ADAMTS12: variants seen among roughly 807,000 people sequenced by gnomAD.
The protein encoded by ADAMTS12 is ADAM metallopeptidase with thrombospondin type 1 motif 12, also known as A disintegrin and metalloproteinase with thrombospondin motifs 12.
In ADAMTS12, 118 loss-of-function variants were observed where a neutral mutation model predicts 167.8. The observed-to-expected ratio is 0.70, with a 90% CI of 0.61 to 0.82. ADAMTS12 has a LOEUF of 0.82. ADAMTS12 is among the 40% of genes least tolerant of loss of function. The pLI, the probability that ADAMTS12 is intolerant of heterozygous loss-of-function variation, is 0.00. For missense variants in ADAMTS12, 1,916 were observed against 1,998.8 expected (o/e 0.96, Z 0.79); for synonymous variants, 704 against 716.9 (o/e 0.98, Z 0.29).
intron 2 of ADAMTS12, among the ~76,000 whole-genome samples, chr5:33,782,715 GAT>G (rs1746178960): frequency 6.6e-6 from 1 of 151,728 alleles, no homozygotes; most frequent in African/African-American, 2.4e-5. Flanking sequence ...ATAATAAAGA[GAT>G]AAATATATCG....
chr5:33,711,764 T>A lies in ADAMTS12; in HGVS notation c.635-27709A>T, dbSNP rs1317561381. On this transcript the variant is annotated intron_variant, in intron 3 of 23. Transcript: ENST00000504830. ...TTGTCTTTCAAACTCAAAGATACAA[T>A]TACTACTTAAACACAGGGAATATAA... Among the ~76,000 whole-genome samples the A allele has an allele frequency of 2.6e-5, 4 of 152,130 alleles. No homozygotes were observed. The East Asian group carries it at 7.7e-4, about 29-fold the overall frequency.
At chr5:33,555,612 TTG>T (rs1745455512) in intron 20 of ADAMTS12, among the ~76,000 whole-genome samples, 1 of 152,188 alleles carries the variant, frequency 6.6e-6, no homozygotes, top group Non-Finnish European at 1.5e-5. Flanking sequence ...TACGTATTAA[TTG>T]TGTAGTGTTT....
Position 33,630,927 on chromosome 5 carries a change from A to C in ADAMTS12, c.1889-14T>G. The C allele has an allele frequency of 6.2e-7, 1 of 1,610,670 alleles. No homozygotes were observed. The highest frequency in any genetic ancestry group is 8.5e-7 in the Non-Finnish European group (1 of 1,177,426). The stretch of plus-strand genomic sequence containing the variant: ...CACAAGGATGTGCTGAAGGGAAAAA[A>C]GAAGGCAAAGCCTTGCAAATTAGCT... On this transcript the variant is annotated splice_polypyrimidine_tract_variant and intron_variant, in intron 12 of 23. Transcript: ENST00000504830.
At position 33,616,187 on chromosome 5, in the gene ADAMTS12, G is replaced by C; in HGVS notation, c.2144-115C>G. 3 of 1,410,176 alleles carry C rather than the reference G, an allele frequency of 2.1e-6. 1 individual carries two copies. The highest frequency in any genetic ancestry group is 2.8e-6 in the Non-Finnish European group (3 of 1,059,042). The allele number at this position is 1,410,176 out of a possible 1,614,324, so 87.4% of individuals were successfully genotyped here. ...AGCCTCCCCATCATTTAGTGACCTT[G>C]CTGGGTGGCCACTGGAATTGGCAGA... On this transcript the variant is annotated intron_variant, in intron 14 of 23. Transcript: ENST00000504830.
At chr5:33,614,724 C>T (rs1044422663) in intron 15 of ADAMTS12, among the ~76,000 whole-genome samples, 4 of 152,004 alleles carry the variant, frequency 2.6e-5, no homozygotes, top group Non-Finnish European at 5.9e-5. Context: ...AACAATAGGC[C>T]GATAGGTTAC....
At chr5:33,568,280 A>G (rs1179711858) in intron 19 of ADAMTS12, among the ~76,000 whole-genome samples, 3 of 152,218 alleles carry the variant, frequency 2.0e-5, no homozygotes, top group Admixed American at 2.0e-4. Flanking sequence ...AAATGTGATA[A>G]CTCATTTTAG....
In ADAMTS12 at chr5:33,595,413, G is replaced by C. The variant is rs562482605; in HGVS notation, c.2654+521C>G. ...CTAGCATCTAAGTAAACACAGGCCA[G>C]CAATGCTGCTAAGCCTCCTGCAATT... On this transcript the variant is annotated intron_variant, in intron 17 of 23. Coordinates refer to ENST00000504830, the MANE Select transcript of ADAMTS12 (RefSeq NM_030955.4). 4.9e-4 allele frequency among the ~76,000 whole-genome samples: 75 copies of C among 152,298 alleles called. 1 individual carries two copies. Among genetic ancestry groups the C allele is most frequent in the Non-Finnish European group, 2.9e-5 (2 of 68,028 alleles).
intron 17 of ADAMTS12, among the ~76,000 whole-genome samples, chr5:33,590,566 C>A (rs547398845): frequency 6.6e-6 from 1 of 152,286 alleles, no homozygotes; most frequent in African/African-American, 2.4e-5. Context: ...GCAAGAAGAC[C>A]CCCGCCAGAT....
intron 22 of ADAMTS12, 31 bp from the exon 23 acceptor site, chr5:33,535,023 G>T: frequency 6.4e-7 from 1 of 1,566,886 alleles, no homozygotes. Context: ...AGAGTCAGAA[G>T]TCCTCCCCAC....
At chr5:33,780,195 G>A (rs1746075098) in intron 2 of ADAMTS12, among the ~76,000 whole-genome samples, 1 of 152,150 alleles carries the variant, frequency 6.6e-6, no homozygotes, top group Admixed American at 6.5e-5. Flanking sequence ...ATGAAGAGGA[G>A]TAAAAATTTA....
chr5:33,580,066 C>T (rs1312785245), intron 18 of ADAMTS12, among the ~76,000 whole-genome samples: 1 of 152,118 alleles, frequency 6.6e-6, no homozygotes, highest in Non-Finnish European at 1.5e-5. Flanking sequence ...TAGAGCCAAC[C>T]GATGGATATG....
At chr5:33,545,970 CTGCACGTTG>C (rs2111814435) in intron 22 of ADAMTS12, 80 bp downstream of exon 22, 1 of 1,474,730 alleles carries the variant, frequency 6.8e-7, no homozygotes, top group East Asian at 2.4e-5. Context: ...TGTAACAAAC[CTGCACGTTG>C]TGCACAGGTA....
intron 17 of ADAMTS12, among the ~76,000 whole-genome samples, chr5:33,593,816 T>G (rs1312102568): frequency 6.6e-6 from 1 of 152,230 alleles, no homozygotes; most frequent in Admixed American, 6.5e-5. Flanking sequence ...CTGCACATTC[T>G]GCACATGTAT....
chr5:33,784,781 T>C (rs10060162), intron 2 of ADAMTS12, among the ~76,000 whole-genome samples: 23,460 of 152,050 alleles, frequency 0.15, 2,138 homozygotes, highest in East Asian at 0.4. Context: ...ATATTCTATA[T>C]ACTGAAATTC....
chr5:33,642,022 C>T (rs1369929319), intron 10 of ADAMTS12, 67 bp from the exon 11 acceptor site: 3 of 1,471,188 alleles, frequency 2.0e-6, no homozygotes, highest in Non-Finnish European at 2.7e-6. Context: ...AGCCAAGAGC[C>T]CTAAAAGTCT....
At chr5:33,780,588 ATGGAGTTGGGCATTCCC>A (rs1746089554) in intron 2 of ADAMTS12, among the ~76,000 whole-genome samples, 2 of 152,200 alleles carry the variant, frequency 1.3e-5, no homozygotes, top group African/African-American at 2.4e-5. Context: ...GCAAAAAGAA[ATGGAGTTGGGCATTCCC>A]TGTGTAAAAG....
rs758346879 is a variant in ADAMTS12, at chr5:33,576,329, T to C, written c.3697A>G (p.Thr1233Ala). The C allele has an allele frequency of 6.2e-7, 1 of 1,614,184 alleles. No individual in the cohort carries two copies. ...SQRPTTSETG[T>A]PRVEGMVTEK... ...GTAACCATCCCCTCAACTCTGGGTG[T>C]CCCAGTTTCGGAAGTAGTGGGCCTT... Residue 1233 changes from threonine (T) to alanine (A), a missense_variant, in exon 19 of 24, where the codon ACA becomes GCA. Thr to Ala is a moderately conservative substitution (Grantham distance 58). Coordinates refer to ENST00000504830, the MANE Select transcript of ADAMTS12 (RefSeq NM_030955.4).
chr5:33,869,036 C>G (rs1371964925), intron 2 of ADAMTS12, among the ~76,000 whole-genome samples: 1 of 152,122 alleles, frequency 6.6e-6, no homozygotes, highest in African/African-American at 2.4e-5. Flanking sequence ...TGTTAATAGT[C>G]AAGACAATGA....
chr5:33,559,103 C>T (rs1486648887), intron 20 of ADAMTS12, among the ~76,000 whole-genome samples: 1 of 152,144 alleles, frequency 6.6e-6, no homozygotes, highest in East Asian at 1.9e-4. Flanking sequence ...ATGCCCATTG[C>T]AACACCTCTG....
Sources: allele counts gnomAD v4.1 joint callset (sites outside exome capture counted in the v4.1 genomes callset), GRCh38; gene constraint gnomAD v4.1.1; transcripts MANE v1.5; gene names NCBI Gene and HGNC (gene_info 2026-07-23, HGNC 2026-07-21).